CNTNAP2: variants seen among roughly 807,000 people sequenced by gnomAD.
CNTNAP2 encodes contactin-associated protein-like 2.
In CNTNAP2, 98 loss-of-function variants were observed where a neutral mutation model predicts 155.2. The ratio of observed to expected loss-of-function variants is 0.63; its 90% CI spans 0.54 to 0.75. The LOEUF is 0.75. Among genes scored for constraint, CNTNAP2 ranks in the 30% least tolerant of loss-of-function variants. The pLI is 0.00. For synonymous variants in CNTNAP2, 651 were observed against 631.2 expected, an observed-to-expected ratio of 1.03 and a Z score of -0.47; for missense variants, 1,727 against 1,688.1, an observed-to-expected ratio of 1.02 and a Z score of -0.40.
chr7:146,531,473 T>C (rs1036486627), intron 1 of CNTNAP2, among the ~76,000 whole-genome samples: 13 of 152,182 alleles, frequency 8.5e-5, no homozygotes, highest in Admixed American at 7.2e-4. Flanking sequence ...ATATTCATGT[T>C]AAGATAATCA....
chr7:146,756,705 C>G (rs1231888028), intron 1 of CNTNAP2, among the ~76,000 whole-genome samples: 1 of 151,894 alleles, frequency 6.6e-6, no homozygotes. Context: ...GAGAAGTAGA[C>G]CAAAATGCAA....
intron 13 of CNTNAP2, among the ~76,000 whole-genome samples, chr7:147,765,639 G>A (rs1797371244): frequency 6.6e-6 from 1 of 152,062 alleles, no homozygotes; most frequent in South Asian, 2.1e-4. Flanking sequence ...GATGTAAAAT[G>A]TTATGAACAC....
At chr7:147,706,335 C>G (rs977431323) in intron 13 of CNTNAP2, among the ~76,000 whole-genome samples, 1 of 151,944 alleles carries the variant, frequency 6.6e-6, no homozygotes, top group African/African-American at 2.4e-5. Context: ...GTAATGAATT[C>G]CTTCCACTTT....
At chr7:147,616,671 C>T (rs954119053) in intron 12 of CNTNAP2, among the ~76,000 whole-genome samples, 1 of 152,076 alleles carries the variant, frequency 6.6e-6, no homozygotes, top group Non-Finnish European at 1.5e-5. Flanking sequence ...CTCAATCATT[C>T]TCCTTCCACT....
At position 147,730,783 on chromosome 7, in the gene CNTNAP2, A is replaced by G. The variant is rs575188317; in HGVS notation, c.2098+91477A>G. Among the ~76,000 whole-genome samples, 8 of 152,240 alleles carry G rather than the reference A, an allele frequency of 5.3e-5. No individual in the cohort carries two copies. In the South Asian group the frequency reaches 1.2e-3, roughly 24 times the overall value. Reference sequence around the variant, plus strand: ...CAAAAGCAAAGATAGGCCCAAAACTATATCTCTTATACCAAACAGCCAAGG... The same window carrying G: ...CAAAAGCAAAGATAGGCCCAAAACTGTATCTCTTATACCAAACAGCCAAGG... On this transcript the variant is annotated intron_variant, in intron 13 of 23. Transcript: ENST00000361727.
chr7:147,149,863 A>G (rs1801791436), intron 8 of CNTNAP2, among the ~76,000 whole-genome samples: 2 of 152,226 alleles, frequency 1.3e-5, no homozygotes, highest in African/African-American at 2.4e-5. Flanking sequence ...AGCCATGTAT[A>G]TGAAGAGAAG....
intron 18 of CNTNAP2, among the ~76,000 whole-genome samples, chr7:148,175,852 TATC>T (rs1794925017): frequency 6.6e-6 from 1 of 152,026 alleles, no homozygotes; most frequent in African/African-American, 2.4e-5. Context: ...CCATCCTCCT[TATC>T]ATCCTCCTCT....
At chr7:147,216,711 A>G (rs1803277955) in intron 8 of CNTNAP2, among the ~76,000 whole-genome samples, 1 of 152,048 alleles carries the variant, frequency 6.6e-6, no homozygotes, top group African/African-American at 2.4e-5. Context: ...GTCAATTTCT[A>G]CAACATAATT....
intron 13 of CNTNAP2, among the ~76,000 whole-genome samples, chr7:147,708,661 G>T (rs1421071251): frequency 6.6e-6 from 1 of 152,028 alleles, no homozygotes. Context: ...GGACTGTTGG[G>T]GGTCACTCAC....
chr7:147,851,349 TG>T (rs1010902906), intron 13 of CNTNAP2, among the ~76,000 whole-genome samples: 1 of 152,236 alleles, frequency 6.6e-6, no homozygotes, highest in Non-Finnish European at 1.5e-5. Context: ...TCAACCATTG[TG>T]GAAGACAGTG....
At chr7:147,807,554 G>A (rs75417845) in intron 13 of CNTNAP2, among the ~76,000 whole-genome samples, 76 of 152,184 alleles carry the variant, frequency 5.0e-4, no homozygotes, top group Non-Finnish European at 8.2e-4. Flanking sequence ...CTCAGAGCAC[G>A]TAGTCATTCT....
intron 11 of CNTNAP2, among the ~76,000 whole-genome samples, chr7:147,515,425 C>G (rs851837): frequency 6.7e-6 from 1 of 150,372 alleles, no homozygotes; most frequent in Admixed American, 6.6e-5. Context: ...TGGGTTCAAG[C>G]GATCCTCCTG....
At chr7:146,129,682 T>TAA in intron 1 of CNTNAP2, among the ~76,000 whole-genome samples, 1 of 152,364 alleles carries the variant, frequency 6.6e-6, no homozygotes, top group South Asian at 2.1e-4. Context: ...TACATTTTAG[T>TAA]TTAAAAATTG....
chr7:147,596,086 C>T lies in CNTNAP2; in HGVS notation c.1897+33829C>T, dbSNP rs190604974. On this transcript the variant is annotated intron_variant, in intron 12 of 23. Transcript: ENST00000361727. ...TGTTTATATCTTGTTGTTTACCAGGCGTCAGCATTTAACTGTCTCTCAGGC... is the reference window on the plus strand; with the variant it reads ...TGTTTATATCTTGTTGTTTACCAGGTGTCAGCATTTAACTGTCTCTCAGGC... Among the ~76,000 whole-genome samples, 204 of 152,210 alleles carry T rather than the reference C, an allele frequency of 1.3e-3. 1 individual carries two copies. Among genetic ancestry groups the T allele is most frequent in the African/African-American group, 4.1e-3 (169 of 41,528 alleles).
intron 2 of CNTNAP2, among the ~76,000 whole-genome samples, chr7:146,792,481 CAAT>C (rs1302709877): frequency 1.3e-5 from 2 of 152,092 alleles, no homozygotes; most frequent in Admixed American, 6.6e-5. Context: ...TTCCAATGTA[CAAT>C]AATACAGGTC....
intron 13 of CNTNAP2, among the ~76,000 whole-genome samples, chr7:147,824,605 C>T (rs1017246545): frequency 6.6e-6 from 1 of 152,130 alleles, no homozygotes; most frequent in Non-Finnish European, 1.5e-5. Flanking sequence ...TGTGGATCTT[C>T]TTGGACAGTC....
intron 8 of CNTNAP2, among the ~76,000 whole-genome samples, chr7:147,162,475 A>T (rs1802045199): frequency 6.6e-6 from 1 of 152,226 alleles, no homozygotes; most frequent in Admixed American, 6.5e-5. Context: ...CATGTGTTGC[A>T]CATGGGTGTA....
intron 1 of CNTNAP2, among the ~76,000 whole-genome samples, chr7:146,140,011 G>T (rs1403816257): frequency 2.0e-5 from 3 of 152,080 alleles, no homozygotes; most frequent in African/African-American, 7.2e-5. Context: ...GCCCTCTGTT[G>T]GAATATCTTT....
At chr7:146,823,853 T>C (rs1354814400) in intron 2 of CNTNAP2, among the ~76,000 whole-genome samples, 1 of 152,080 alleles carries the variant, frequency 6.6e-6, no homozygotes, top group Non-Finnish European at 1.5e-5. Context: ...CCCCGTATTC[T>C]ATAATGTCAC....
Sources: gnomAD v4.1 joint callset for allele counts (sites outside exome capture counted in the v4.1 genomes callset) on GRCh38, gnomAD v4.1.1 for gene constraint, MANE v1.5 for transcripts, NCBI Gene and HGNC (gene_info 2026-07-23, HGNC 2026-07-21) for gene names.